The following DYNC2H1 variants were observed in gnomAD, a reference collection of about 807,000 sequenced individuals.
DYNC2H1 encodes cytoplasmic dynein 2 heavy chain 1.
A neutral mutation model predicts 570.0 loss-of-function variants in DYNC2H1; 410 were observed. That is an observed-to-expected ratio of 0.72 (90% CI 0.66 to 0.78). The LOEUF (loss-of-function observed/expected upper bound fraction) is 0.78. DYNC2H1 is among the 30% of genes least tolerant of loss of function. The pLI, the probability that DYNC2H1 is intolerant of heterozygous loss-of-function variation, is 0.00. For synonymous variants in DYNC2H1, 1,688 were observed against 1,677.6 expected, an observed-to-expected ratio of 1.01 and a Z score of -0.15; for missense variants, 4,865 against 5,046.4, an observed-to-expected ratio of 0.96 and a Z score of 1.09.
rs1383486263 is a variant in DYNC2H1 at position 103,369,917 on chromosome 11, C to T, written c.12156+11558C>T. On this transcript the variant is annotated intron_variant, in intron 83 of 88. Transcript: ENST00000375735. This position sits in a 1 kb window ranked among gnomAD's most constrained non-coding sequence, Gnocchi z 4.0. Reference sequence around the variant, plus strand: ...GCTGTGGTGGTTGTGGAGAAAGACTCCTTCCACTTGAGAAAAGCAGAGAGA... The same window carrying T: ...GCTGTGGTGGTTGTGGAGAAAGACTTCTTCCACTTGAGAAAAGCAGAGAGA... Among the ~76,000 whole-genome samples the T allele has an allele frequency of 2.0e-5, 3 of 152,202 alleles. No homozygotes were observed. The highest frequency in any genetic ancestry group is 4.4e-5 in the Non-Finnish European group (3 of 68,038).
In DYNC2H1 at chr11:103,259,933, T is replaced by C. The variant is rs1865202491; in HGVS notation, c.10651T>C (p.Leu3551=). The change falls in exon 70 of 89, where the codon TTA becomes CTA. Residue 3551 remains leucine (L), a synonymous_variant. Coordinates refer to ENST00000375735, the MANE Select transcript of DYNC2H1 (RefSeq NM_001377.3). ...GAGAATCCAGTCACTTATCAGCTCA[T>C]TACAACATATGGTATATGAATATAT... ...EQRIQSLISS[L]QHMVYEYICR... is the part of the protein sequence containing the mutation. 3.2e-6 allele frequency: 5 copies of C among 1,551,080 alleles called. No homozygotes were observed. The highest frequency in any genetic ancestry group is 4.4e-6 in the Non-Finnish European group (5 of 1,147,030).
intron 59 of DYNC2H1, 39 bp from the exon 60 acceptor site, chr11:103,231,221 A>G: frequency 7.5e-7 from 1 of 1,327,264 alleles, no homozygotes; most frequent in Non-Finnish European, 1.0e-6. Flanking sequence ...GTTGATATCT[A>G]AAATAGAATG....
intron 82 of DYNC2H1, among the ~76,000 whole-genome samples, chr11:103,342,410 C>T (rs1565510986): frequency 1.3e-5 from 2 of 152,120 alleles, no homozygotes; most frequent in African/African-American, 2.4e-5. Context: ...CAGCCAGCTG[C>T]AGCAAGCTGC....
chr11:103,252,054 A>G lies in DYNC2H1; in HGVS notation c.10043-1231A>G, dbSNP rs1288830394. Among the ~76,000 whole-genome samples, 2 of 151,830 alleles carry G rather than the reference A, an allele frequency of 1.3e-5. No homozygotes were observed. The highest frequency in any genetic ancestry group is 2.9e-5 in the Non-Finnish European group (2 of 67,984). On this transcript the variant is annotated intron_variant, in intron 65 of 88. Transcript: ENST00000375735. This position sits in a 1 kb window ranked among gnomAD's most constrained non-coding sequence, Gnocchi z 4.6. ...ATCCTCTGGCCTCAGCCTCCTGAGT[A>G]TGTTGGACTATAGGCACATACCATC...
intron 83 of DYNC2H1, among the ~76,000 whole-genome samples, chr11:103,393,514 C>A (rs1942261824): frequency 6.6e-6 from 1 of 152,208 alleles, no homozygotes; most frequent in South Asian, 2.1e-4. Flanking sequence ...TTACTCATTT[C>A]ATATGCCTTG....
chr11:103,362,097 G>A (rs1940671167), intron 83 of DYNC2H1, among the ~76,000 whole-genome samples: 1 of 152,084 alleles, frequency 6.6e-6, no homozygotes, highest in South Asian at 2.1e-4. Flanking sequence ...GTGAAATAAG[G>A]TGATCAAGAT....
chr11:103,364,289 A>G (rs1385987219), intron 83 of DYNC2H1, among the ~76,000 whole-genome samples: 2 of 151,864 alleles, frequency 1.3e-5, no homozygotes, highest in East Asian at 1.9e-4. Flanking sequence ...GACAAAGGAG[A>G]TAGGAGGCTT....
At chr11:103,132,462 A>G (rs946732777) in intron 13 of DYNC2H1, among the ~76,000 whole-genome samples, 4 of 152,012 alleles carry the variant, frequency 2.6e-5, no homozygotes, top group Admixed American at 6.6e-5. Context: ...GATAATTCTT[A>G]TGTCAGATTC....
In DYNC2H1 at chr11:103,223,057, T is replaced by G. The variant is rs1863653053; in HGVS notation, c.9324T>G (p.Pro3108=). The change falls in exon 59 of 89, where the codon CCT becomes CCG. Residue 3108 remains proline (P), a synonymous_variant. Transcript: ENST00000375735. The part of the protein sequence containing the change: ...QYSHVLERIH[P]LETEQAGLES... ...CCCATGTCTTGGAACGAATTCATCC[T>G]TTGGAAACTGAACAGGCAGGATTAG... 1 of 1,612,990 alleles carries G rather than the reference T, an allele frequency of 6.2e-7. No homozygotes were observed.
rs946402584 is a variant in DYNC2H1, at chr11:103,275,465, T to A, written c.10696-4883T>A. 6.6e-6 allele frequency among the ~76,000 whole-genome samples: 1 copy of A among 152,198 alleles called. No homozygotes were observed. Among genetic ancestry groups the A allele is most frequent in the Non-Finnish European group, 1.5e-5 (1 of 68,038 alleles). ...ACCATTCTAGTATCTTACAGAGTAG[T>A]TTCACTGCTCTTAAAATATTCTCTG... is the stretch of plus-strand genomic sequence containing the variant. On this transcript the variant is annotated intron_variant, in intron 70 of 88. Coordinates refer to ENST00000375735, the MANE Select transcript of DYNC2H1 (RefSeq NM_001377.3). The surrounding 1 kb of genome is among the most constrained non-coding windows in gnomAD (Gnocchi z 4.8).
intron 13 of DYNC2H1, among the ~76,000 whole-genome samples, chr11:103,131,495 T>G (rs111484562): frequency 6.6e-6 from 1 of 152,074 alleles, no homozygotes; most frequent in Non-Finnish European, 1.5e-5. Context: ...TTCACCGTGT[T>G]AGCCAGGATG....
chr11:103,301,874 T>G (rs1011012784), intron 75 of DYNC2H1, among the ~76,000 whole-genome samples: 1 of 151,974 alleles, frequency 6.6e-6, no homozygotes, highest in African/African-American at 2.4e-5. Context: ...TCACTTCTAT[T>G]TTTGAGAATA....
chr11:103,163,273 T>A lies in DYNC2H1; in HGVS notation c.4611+126T>A, dbSNP rs1470412644. 4.2e-6 allele frequency: 5 copies of A among 1,180,816 alleles called. No homozygotes were observed. The highest frequency in any genetic ancestry group is 3.4e-6 in the Non-Finnish European group (3 of 881,266). 73.1% of individuals were successfully genotyped at this position (1,180,816 alleles called of 1,614,324 possible). A position where few individuals can be genotyped will look rare whatever the true frequency, so the allele number is the denominator to read the frequency against. On this transcript the variant is annotated intron_variant, in intron 30 of 88. Transcript: ENST00000375735. This position sits in a 1 kb window ranked among gnomAD's most constrained non-coding sequence, Gnocchi z 4.6. ...TTTATCTAACAGTTAACGGACAAAT[T>A]GCTTAACTTCTGAGTCTCAGTTCCT...
chr11:103,468,523 A>C (rs573192733), intron 87 of DYNC2H1, 66 bp from the exon 88 acceptor site: 99 of 1,100,256 alleles, frequency 9.0e-5, no homozygotes, highest in East Asian at 5.0e-4. Flanking sequence ...TTAAGGTAGA[A>C]TAGAGTAACC....
intron 84 of DYNC2H1, chr11:103,406,859 G>T (rs574419909): frequency 1.3e-5 from 2 of 152,028 alleles, no homozygotes; most frequent in Admixed American, 6.6e-5. Flanking sequence ...CATGTGAGGA[G>T]AAGTATGCCA....
chr11:103,343,109 T>G (rs1939553291), intron 82 of DYNC2H1, among the ~76,000 whole-genome samples: 1 of 152,166 alleles, frequency 6.6e-6, no homozygotes, highest in Non-Finnish European at 1.5e-5. Flanking sequence ...AGCATTGGTT[T>G]GCCTGGAATT....
intron 76 of DYNC2H1, among the ~76,000 whole-genome samples, chr11:103,303,933 A>G (rs1046422772): frequency 1.2e-4 from 19 of 152,104 alleles, no homozygotes; most frequent in African/African-American, 4.3e-4. Context: ...CACTTTATTT[A>G]CCTGACCTGA....
chr11:103,158,767 T>C lies in DYNC2H1; in HGVS notation c.4218T>C (p.Asp1406=), dbSNP rs913501394. The part of the protein sequence containing the change: ...GIRNSLLTIL[D]QLQRCQKSLN... ...GAAATTCTCTACTAACAATACTTGA[T>C]CAGCTTCAAAGATGTCAGAAATCAT... The change falls in exon 27 of 89, where the codon GAT becomes GAC. Residue 1406 remains aspartate (D), a synonymous_variant. Coordinates refer to ENST00000375735, the MANE Select transcript of DYNC2H1 (RefSeq NM_001377.3). 9.3e-6 allele frequency: 14 copies of C among 1,507,184 alleles called. No individual in the cohort carries two copies. The Admixed American group carries it at 2.7e-4, about 29-fold the overall frequency. 93.4% of individuals were successfully genotyped at this position (1,507,184 alleles called of 1,614,324 possible). A position where few individuals can be genotyped will look rare whatever the true frequency, so the allele number is the denominator to read the frequency against.
chr11:103,273,780 T>G (rs1293903435), intron 70 of DYNC2H1, among the ~76,000 whole-genome samples: 2 of 152,120 alleles, frequency 1.3e-5, no homozygotes, highest in Non-Finnish European at 2.9e-5. Flanking sequence ...TGGAAACCCT[T>G]GTATCAATGT....
Sources: allele counts gnomAD v4.1 joint callset (sites outside exome capture counted in the v4.1 genomes callset), GRCh38; gene constraint gnomAD v4.1.1; non-coding constraint Gnocchi (gnomAD v3.1); transcripts MANE v1.5; gene names NCBI Gene and HGNC (gene_info 2026-07-23, HGNC 2026-07-21).